The following ELMO1 variants were observed in gnomAD, a reference collection of about 807,000 sequenced individuals.
ELMO1 encodes the protein engulfment and cell motility 1.
In ELMO1, 26 loss-of-function variants were observed where a neutral mutation model predicts 98.9. The ratio of observed to expected loss-of-function variants is 0.26; its 90% CI spans 0.19 to 0.36. ELMO1 has a LOEUF of 0.36. Ranked by LOEUF, ELMO1 falls within the 10% of genes least tolerant of loss-of-function variation. The pLI, the probability that ELMO1 is intolerant of heterozygous loss-of-function variation, is 1.00. For missense variants in ELMO1, 627 were observed against 935.2 expected (o/e 0.67, Z 4.30); for synonymous variants, 346 against 346.0 (o/e 1.00, Z 0.00).
intron 15 of ELMO1, among the ~76,000 whole-genome samples, chr7:37,059,062 G>C (rs1042250030): frequency 6.6e-6 from 1 of 152,314 alleles, no homozygotes; most frequent in Admixed American, 6.5e-5. Context: ...CCTGTGGTTA[G>C]AGTCTCAGAT....
intron 1 of ELMO1, among the ~76,000 whole-genome samples, chr7:37,433,581 A>G (rs1805021822): frequency 6.6e-6 from 1 of 152,034 alleles, no homozygotes; most frequent in Non-Finnish European, 1.5e-5. Flanking sequence ...TATTCACTTC[A>G]ACCCGATTTC....
intron 1 of ELMO1, among the ~76,000 whole-genome samples, chr7:37,410,284 C>G (rs1391122896): frequency 6.6e-6 from 1 of 152,200 alleles, no homozygotes; most frequent in African/African-American, 2.4e-5. Flanking sequence ...TTAGATGTGT[C>G]TTCTCTCCTC....
chr7:36,933,343 C>G (rs1170517718), intron 16 of ELMO1, among the ~76,000 whole-genome samples: 1 of 152,290 alleles, frequency 6.6e-6, no homozygotes, highest in African/African-American at 2.4e-5. Context: ...GAACTAGTCG[C>G]TTTATCTAAA....
At chr7:37,023,766 T>G (rs1794413208) in intron 15 of ELMO1, among the ~76,000 whole-genome samples, 2 of 152,088 alleles carry the variant, frequency 1.3e-5, no homozygotes, top group African/African-American at 2.4e-5. Context: ...TTTTTTTTAG[T>G]AGAGACAGGG....
chr7:36,997,352 A>C (rs951908953), intron 16 of ELMO1, among the ~76,000 whole-genome samples: 9 of 152,204 alleles, frequency 5.9e-5, no homozygotes, highest in Admixed American at 5.2e-4. Context: ...ACAAAAGCCA[A>C]TTGATTTTTC....
chr7:36,976,238 T>C (rs1790535399), intron 16 of ELMO1, among the ~76,000 whole-genome samples: 1 of 152,216 alleles, frequency 6.6e-6, no homozygotes, highest in Admixed American at 6.5e-5. Flanking sequence ...AAAACTCCCA[T>C]TTTACTTCCC....
intron 21 of ELMO1, among the ~76,000 whole-genome samples, chr7:36,860,275 G>A (rs902539003): frequency 1.3e-4 from 20 of 152,208 alleles, no homozygotes; most frequent in African/African-American, 4.8e-4. Context: ...TAACCCCCAT[G>A]CTATTCAAGG....
intron 2 of ELMO1, among the ~76,000 whole-genome samples, chr7:37,330,219 AGTGGAACTGC>A (rs1397616744): frequency 6.6e-6 from 1 of 152,228 alleles, no homozygotes; most frequent in African/African-American, 2.4e-5. Context: ...TTTCCTTATT[AGTGGAACTGC>A]CAATTAGACA....
intron 1 of ELMO1, chr7:37,376,123 T>C (rs1276791565): frequency 3.2e-6 from 1 of 317,294 alleles, no homozygotes; most frequent in Non-Finnish European, 6.1e-6. Flanking sequence ...TTCTTACAGC[T>C]CTTGAAGGAA....
intron 15 of ELMO1, among the ~76,000 whole-genome samples, chr7:37,019,473 C>A (rs1357513605): frequency 6.6e-6 from 1 of 152,202 alleles, no homozygotes; most frequent in African/African-American, 2.4e-5. Context: ...TGTGGGCCAA[C>A]ACGGTGGCCA....
intron 13 of ELMO1, among the ~76,000 whole-genome samples, chr7:37,204,623 T>TC (rs978106384): frequency 1.7e-4 from 26 of 152,292 alleles, no homozygotes; most frequent in Admixed American, 4.6e-4. Context: ...TGCTTTTTTT[T>TC]CCCTTCTTTG....
At chr7:37,382,878 T>G (rs1336961213) in intron 1 of ELMO1, among the ~76,000 whole-genome samples, 1 of 152,176 alleles carries the variant, frequency 6.6e-6, no homozygotes, top group Non-Finnish European at 1.5e-5. Flanking sequence ...TATCTCTTGT[T>G]AATCTGTCTT....
intron 1 of ELMO1, among the ~76,000 whole-genome samples, chr7:37,438,083 G>C (rs1413367958): frequency 6.6e-6 from 1 of 152,046 alleles, no homozygotes; most frequent in Non-Finnish European, 1.5e-5. Context: ...CTGTCTGACT[G>C]AAACTTTCTA....
At chr7:36,874,904 T>C (rs142612789) in intron 19 of ELMO1, among the ~76,000 whole-genome samples, 1 of 152,194 alleles carries the variant, frequency 6.6e-6, no homozygotes, top group African/African-American at 2.4e-5. Context: ...AAAAGAAAGA[T>C]TTCCTAAAGC....
chr7:37,271,685 G>A, intron 5 of ELMO1, 147 bp downstream of exon 5: 5 of 788,088 alleles, frequency 6.3e-6, no homozygotes, highest in Non-Finnish European at 1.0e-5. Context: ...GGGCATTCCT[G>A]CTAATCCAGA....
chr7:37,038,315 C>T (rs556998680), intron 15 of ELMO1, among the ~76,000 whole-genome samples: 50 of 152,308 alleles, frequency 3.3e-4, no homozygotes, highest in Admixed American at 3.3e-3. Context: ...GCCCCACCTT[C>T]ATCCTGTCCC....
intron 2 of ELMO1, among the ~76,000 whole-genome samples, chr7:37,322,694 T>G (rs542894603): frequency 1.9e-4 from 28 of 151,226 alleles, no homozygotes; most frequent in Admixed American, 5.9e-4. Flanking sequence ...TAACAGCTAC[T>G]TGGGAGGCTG....
At chr7:37,194,874 A>T (rs1343819727) in intron 13 of ELMO1, among the ~76,000 whole-genome samples, 1 of 152,228 alleles carries the variant, frequency 6.6e-6, no homozygotes, top group Non-Finnish European at 1.5e-5. Context: ...ACTTCTACCT[A>T]TAAGTAAAGG....
At chr7:37,222,477 A>C (rs1040234971) in intron 10 of ELMO1, 138 bp downstream of exon 10, 5 of 845,728 alleles carry the variant, frequency 5.9e-6, no homozygotes, top group Non-Finnish European at 9.5e-6. Flanking sequence ...GCAGCGGAAC[A>C]TAGCTGCTCT....
Sources: allele counts gnomAD v4.1 joint callset (sites outside exome capture counted in the v4.1 genomes callset), GRCh38; gene constraint gnomAD v4.1.1; transcripts MANE v1.5; gene names NCBI Gene and HGNC (gene_info 2026-07-23, HGNC 2026-07-21).